The following COP1 variants were observed in gnomAD, a reference collection of about 807,000 sequenced individuals.
COP1 encodes the protein E3 ubiquitin-protein ligase COP1.
COP1 carries 24 observed loss-of-function variants against 101.3 expected under a neutral mutation model. That is an observed-to-expected ratio of 0.24 (90% confidence interval 0.17 to 0.33). The LOEUF (loss-of-function observed/expected upper bound fraction) is 0.33. Ranked by LOEUF, COP1 falls within the 10% of genes least tolerant of loss-of-function variation. The probability of loss-of-function intolerance (pLI) is 1.00; values close to 1 mark genes in which losing one functional copy is unlikely to be tolerated. For missense variants in COP1, 663 were observed against 906.2 expected (o/e 0.73, Z 3.45); for synonymous variants, 347 against 341.9 (o/e 1.01, Z -0.17).
chr1:176,105,543 C>T (rs540383823), intron 9 of COP1, among the ~76,000 whole-genome samples: 2 of 152,124 alleles, frequency 1.3e-5, no homozygotes, highest in African/African-American at 2.4e-5. Context: ...GTATTTTGAT[C>T]GTGACAGCTA....
In COP1 at chr1:176,076,042, C is replaced by A. The variant is rs140234231; in HGVS notation, c.1277+5110G>T. On this transcript the variant is annotated intron_variant, in intron 11 of 19. Transcript: ENST00000367669. ...AAAAAAATAGTAGGGGACTTCAATA[C>A]CCCACTCACACCATTAGACAGATCA... Among the ~76,000 whole-genome samples the A allele has an allele frequency of 6.6e-3, 970 of 146,666 alleles. 9 individuals carry two copies. The highest frequency in any genetic ancestry group is 0.023 in the African/African-American group (918 of 39,758).
chr1:176,070,021 C>T (rs773130720), intron 11 of COP1, among the ~76,000 whole-genome samples: 1 of 152,160 alleles, frequency 6.6e-6, no homozygotes, highest in South Asian at 2.1e-4. Context: ...TCCAAATTCA[C>T]AGCCCTCACC....
intron 18 of COP1, among the ~76,000 whole-genome samples, chr1:175,970,228 C>A (rs1329728934): frequency 6.6e-6 from 1 of 151,968 alleles, no homozygotes; most frequent in Non-Finnish European, 1.5e-5. Flanking sequence ...TGTGAGAAAC[C>A]AGAAACCAAG....
chr1:175,988,578 T>C, intron 16 of COP1, 166 bp from the exon 17 acceptor site: 2 of 559,494 alleles, frequency 3.6e-6, no homozygotes, highest in Non-Finnish European at 5.9e-6. Flanking sequence ...CACGCTTGTA[T>C]TCCAAGCAAT....
At chr1:175,989,790 G>A (rs989179597) in intron 15 of COP1, among the ~76,000 whole-genome samples, 3 of 151,920 alleles carry the variant, frequency 2.0e-5, no homozygotes, top group Non-Finnish European at 4.4e-5. Flanking sequence ...TCCCATATTT[G>A]TTTTAAAAAA....
intron 14 of COP1, among the ~76,000 whole-genome samples, chr1:176,037,466 T>G (rs1669772970): frequency 6.6e-6 from 1 of 150,514 alleles, no homozygotes; most frequent in African/African-American, 2.4e-5. Context: ...AAAATCATTT[T>G]ATGAGGCCAG....
chr1:176,129,669 T>C (rs1688597131), intron 8 of COP1, among the ~76,000 whole-genome samples: 1 of 151,814 alleles, frequency 6.6e-6, no homozygotes. Context: ...CTTCAACTAA[T>C]ACATCATTTT....
intron 9 of COP1, among the ~76,000 whole-genome samples, chr1:176,102,041 G>T (rs1319331358): frequency 2.6e-5 from 4 of 152,086 alleles, no homozygotes; most frequent in Non-Finnish European, 4.4e-5. Context: ...AAACCAGACT[G>T]CCCATCCTGG....
At position 176,085,850 on chromosome 1, in the gene COP1, C is replaced by T; in HGVS notation, c.1067G>A (p.Arg356Lys). 2 of 1,608,804 alleles carry T rather than the reference C, an allele frequency of 1.2e-6. No homozygotes were observed. The highest frequency in any genetic ancestry group is 1.7e-6 in the Non-Finnish European group (2 of 1,176,268). The change falls in exon 10 of 20, where the codon AGA becomes AAA. Residue 356 changes from arginine to lysine, a missense_variant. This residue lies in a region of COP1 where 212 missense variants were observed against 240.7 expected (regional missense o/e 0.88). Coordinates refer to ENST00000367669, the MANE Select transcript of COP1 (RefSeq NM_022457.7). ...AAAATGAGCAGTAAGTCGTTTTCGT[C>T]TTGATGCTAACGTGCTATTATACCA... ...QPWYNSTLASRRKRLTAHFED... is the reference protein window; with the variant it reads ...QPWYNSTLASKRKRLTAHFED...
chr1:176,039,238 A>G lies in COP1; in HGVS notation c.1612+3948T>C, dbSNP rs1269284825. On this transcript the variant is annotated intron_variant, in intron 14 of 19. Coordinates refer to ENST00000367669, the MANE Select transcript of COP1 (RefSeq NM_022457.7). ...ACATCAAAAAAGGAATCTCAGGGGA[A>G]ATTTAAAATATTCAGAACTAAGTGA... Among the ~76,000 whole-genome samples the G allele has an allele frequency of 2.0e-5, 3 of 152,344 alleles. No individual in the cohort carries two copies. In the East Asian group the frequency reaches 5.8e-4, roughly 29 times the overall value.
At chr1:176,115,519 G>C (rs540077840) in intron 9 of COP1, among the ~76,000 whole-genome samples, 5 of 152,160 alleles carry the variant, frequency 3.3e-5, no homozygotes, top group Admixed American at 2.0e-4. Flanking sequence ...GAGGTCAAGG[G>C]GGGAGGATCA....
chr1:176,175,932 G>C lies in COP1; in HGVS notation c.543C>G (p.Asp181Glu). ...CACCCAAGAAATTAGGATACAGATG[G>C]TCAATATTGTCCACAACATAGTTAC... ...PKCNYVVDNI[D>E]HLYPNFLVNE... Residue 181 changes from aspartate to glutamate, a missense_variant, in exon 3 of 20, where the codon GAC (aspartate) becomes GAG (glutamate). By Grantham distance (45) the Asp-to-Glu change is conservative (BLOSUM62 2). Transcript: ENST00000367669. 1 of 1,567,620 alleles carries C rather than the reference G, an allele frequency of 6.4e-7. No homozygotes were observed. Among genetic ancestry groups the C allele is most frequent in the Non-Finnish European group, 8.8e-7 (1 of 1,141,346 alleles).
Position 176,200,652 on chromosome 1 carries a change from T to G in COP1, c.407+5920A>C, listed in dbSNP as rs1572824167. On this transcript the variant is annotated intron_variant, in intron 1 of 19. Coordinates refer to ENST00000367669, the MANE Select transcript of COP1 (RefSeq NM_022457.7). Reference sequence around the variant, plus strand: ...CAGAGGCAAAATCAGTTCATAAAACTTAATTGTGAAAAATGAAAGGACAAC... The same window carrying G: ...CAGAGGCAAAATCAGTTCATAAAACGTAATTGTGAAAAATGAAAGGACAAC... Among the ~76,000 whole-genome samples, 4 of 152,262 alleles carry G rather than the reference T, an allele frequency of 2.6e-5. No homozygotes were observed. The South Asian group carries it at 8.3e-4, about 32-fold the overall frequency.
At chr1:176,008,119 G>A (rs1000104656) in intron 15 of COP1, among the ~76,000 whole-genome samples, 7 of 152,258 alleles carry the variant, frequency 4.6e-5, no homozygotes, top group African/African-American at 9.6e-5. Context: ...AGGTGCGTCC[G>A]TCACCCCTTT....
intron 9 of COP1, among the ~76,000 whole-genome samples, chr1:176,096,252 C>T (rs1682343848): frequency 6.6e-6 from 1 of 152,146 alleles, no homozygotes; most frequent in Non-Finnish European, 1.5e-5. Flanking sequence ...CCTTTTGGTC[C>T]TATGGCATGC....
At chr1:176,003,856 A>G (rs1462976602) in intron 15 of COP1, among the ~76,000 whole-genome samples, 2 of 152,068 alleles carry the variant, frequency 1.3e-5, no homozygotes, top group African/African-American at 4.8e-5. Flanking sequence ...TTCCATATGA[A>G]CTTGAAAGTA....
intron 9 of COP1, among the ~76,000 whole-genome samples, chr1:176,107,403 C>A (rs1222983125): frequency 6.6e-6 from 1 of 152,006 alleles, no homozygotes; most frequent in Non-Finnish European, 1.5e-5. Context: ...GAAGCTGGAA[C>A]ATTATTGTCT....
intron 9 of COP1, among the ~76,000 whole-genome samples, chr1:176,088,481 C>T (rs1004165874): frequency 2.6e-5 from 4 of 151,898 alleles, no homozygotes; most frequent in African/African-American, 7.3e-5. Context: ...ATGTTCATCT[C>T]GGTATTGTGG....
intron 15 of COP1, among the ~76,000 whole-genome samples, chr1:175,993,581 G>C (rs4292913): frequency 0.066 from 10,028 of 152,252 alleles, 408 homozygotes; most frequent in Middle Eastern, 0.12. Flanking sequence ...CAAGGCTCGA[G>C]AACTACGTGA....
Sources: gnomAD v4.1 joint callset for allele counts (sites outside exome capture counted in the v4.1 genomes callset) on GRCh38, gnomAD v4.1.1 for gene constraint, gnomAD v4.1.1 regional missense constraint, MANE v1.5 for transcripts, NCBI Gene and HGNC (gene_info 2026-07-23, HGNC 2026-07-21) for gene names.